Variants in EPHB2 observed in about 807,000 individuals in gnomAD.
The protein encoded by EPHB2 is ephrin type-B receptor 2.
A neutral mutation model predicts 96.4 loss-of-function variants in EPHB2; 18 were observed. The ratio of observed to expected loss-of-function variants is 0.19; its 90% confidence interval spans 0.13 to 0.28. EPHB2 has a LOEUF of 0.28. Ranked by LOEUF, EPHB2 falls within the 10% of genes least tolerant of loss-of-function variation. The probability of loss-of-function intolerance (pLI) is 1.00; values close to 1 mark genes in which losing one functional copy is unlikely to be tolerated. For synonymous variants in EPHB2, 506 were observed against 534.1 expected (o/e 0.95, Z 0.72); for missense variants, 989 against 1,355.4 (o/e 0.73, Z 4.25).
chr1:22,851,563 CATTT>C (rs1471128842), intron 3 of EPHB2, among the ~76,000 whole-genome samples: 1 of 152,202 alleles, frequency 6.6e-6, no homozygotes, highest in East Asian at 1.9e-4. Flanking sequence ...GCTGGCCACT[CATTT>C]ATTGTGTGAC....
intron 3 of EPHB2, among the ~76,000 whole-genome samples, chr1:22,822,728 G>A (rs935939821): frequency 1.3e-5 from 2 of 152,248 alleles, no homozygotes; most frequent in Non-Finnish European, 2.9e-5. Flanking sequence ...CTGGGCCAGA[G>A]CCTGGACCAA....
intron 1 of EPHB2, among the ~76,000 whole-genome samples, chr1:22,756,518 G>A (rs567618614): frequency 7.9e-5 from 12 of 152,290 alleles, no homozygotes; most frequent in African/African-American, 2.2e-4. Context: ...GGGAGTCTCC[G>A]GAGGGTGTCC....
At chr1:22,851,918 A>G (rs1404699901) in intron 3 of EPHB2, among the ~76,000 whole-genome samples, 1 of 152,058 alleles carries the variant, frequency 6.6e-6, no homozygotes, top group Non-Finnish European at 1.5e-5. Flanking sequence ...AGGTTGACCC[A>G]CTCCCCTTTC....
Position 22,913,381 on chromosome 1 carries a change from G to T in EPHB2, c.2853-81G>T. Reference sequence around the variant, plus strand: ...TCCTTGCTTTGCCATCTTCCTCCCGGGGAAGCCCAGGCAGCTCTCTACCAG... The same window carrying T: ...TCCTTGCTTTGCCATCTTCCTCCCGTGGAAGCCCAGGCAGCTCTCTACCAG... On this transcript the variant is annotated intron_variant, in intron 15 of 15. Transcript: ENST00000374630. The surrounding 1 kb of genome is among the most constrained non-coding windows in gnomAD (Gnocchi z 4.1). 1 of 1,560,090 alleles carries T rather than the reference G, an allele frequency of 6.4e-7. No individual in the cohort carries two copies. Among genetic ancestry groups the T allele is most frequent in the South Asian group, 1.2e-5 (1 of 85,714 alleles).
chr1:22,765,155 A>G (rs1644290180), intron 1 of EPHB2, among the ~76,000 whole-genome samples: 1 of 152,182 alleles, frequency 6.6e-6, no homozygotes, highest in Non-Finnish European at 1.5e-5. Flanking sequence ...AGTGTTTGAC[A>G]GGGAGCCTTG....
At position 22,800,933 on chromosome 1, in the gene EPHB2, G is replaced by A. The variant is rs570136646; in HGVS notation, c.811+15857G>A. Among the ~76,000 whole-genome samples the A allele has an allele frequency of 3.3e-5, 5 of 152,238 alleles. No homozygotes were observed. The East Asian group carries it at 9.7e-4, about 30-fold the overall frequency. On this transcript the variant is annotated intron_variant, in intron 3 of 15. Transcript: ENST00000374630. ...TTCCAGTGTTCTTAAAGCAAACCAG[G>A]CCTGTTTTGCGCAACGCTCCATCCC...
intron 6 of EPHB2, among the ~76,000 whole-genome samples, chr1:22,886,585 G>A (rs369728564): frequency 2.3e-4 from 35 of 152,018 alleles, no homozygotes; most frequent in African/African-American, 8.0e-4. Context: ...TGGGCTGGGG[G>A]AGTTGGCAGT....
intron 9 of EPHB2, among the ~76,000 whole-genome samples, chr1:22,899,719 G>A (rs1447500406): frequency 1.3e-5 from 2 of 152,224 alleles, no homozygotes; most frequent in African/African-American, 2.4e-5. Context: ...TAGGCCAGGT[G>A]CCATGGTTCA....
At chr1:22,871,420 A>G (rs2817893) in intron 5 of EPHB2, among the ~76,000 whole-genome samples, 149,110 of 152,290 alleles carry the variant, frequency 0.98, 73,069 homozygotes, top group East Asian at 1. Context: ...AAAGGGCATC[A>G]GAGCGGGGCC....
In EPHB2 at chr1:22,906,048, G is replaced by A; in HGVS notation, c.1827G>A (p.Val609=). Residue 609 remains valine (V), a synonymous_variant, in exon 10 of 16, where the codon GTG becomes GTA. Coordinates refer to ENST00000374630, the MANE Select transcript of EPHB2 (RefSeq NM_017449.5). This position sits in a 1 kb window ranked among gnomAD's most constrained non-coding sequence, Gnocchi z 4.8. ...CCTACGAGGACCCCAACGAGGCAGT[G>A]CGGGAGTTTGCCAAGGAAATTGACA... The part of the protein sequence containing the change: ...PFTYEDPNEA[V]REFAKEIDIS... 6.2e-7 allele frequency: 1 copy of A among 1,614,236 alleles called. No homozygotes were observed. Among genetic ancestry groups the A allele is most frequent in the Non-Finnish European group, 8.5e-7 (1 of 1,180,044 alleles).
intron 3 of EPHB2, among the ~76,000 whole-genome samples, chr1:22,797,714 C>A (rs1424338933): frequency 6.6e-6 from 1 of 152,156 alleles, no homozygotes; most frequent in African/African-American, 2.4e-5. Flanking sequence ...TAAGACTCCC[C>A]ATCCTGCACA....
In EPHB2 at chr1:22,913,860, G is replaced by T. The variant is rs1489967443; in HGVS notation, c.*290G>T. 6.2e-7 allele frequency: 1 copy of T among 1,601,226 alleles called. No individual in the cohort carries two copies. The highest frequency in any genetic ancestry group is 1.1e-5 in the South Asian group (1 of 88,672). On this transcript the variant is annotated 3_prime_UTR_variant, in exon 16 of 16. Transcript: ENST00000374630. The surrounding 1 kb of genome is among the most constrained non-coding windows in gnomAD (Gnocchi z 4.1). The stretch of plus-strand genomic sequence containing the variant: ...CATAAGGAAAGCAATGACTGTTCTT[G>T]CGGGGGATAAAAAAGGGCTTGGGAG...
At chr1:22,905,912 G>A in intron 9 of EPHB2, 75 bp from the exon 10 acceptor site, 1 of 1,611,230 alleles carries the variant, frequency 6.2e-7, no homozygotes, top group Non-Finnish European at 8.5e-7. Flanking sequence ...CTCCACGGAG[G>A]GACTGGCTCC....
Position 22,912,486 on chromosome 1 carries a change from C to A in EPHB2, c.2739C>A (p.Thr913=). 6.2e-7 allele frequency: 1 copy of A among 1,614,162 alleles called. No homozygotes were observed. The highest frequency in any genetic ancestry group is 8.5e-7 in the Non-Finnish European group (1 of 1,180,042). The change falls in exon 15 of 16, where the codon ACC becomes ACA. Residue 913 remains threonine, a synonymous_variant. Coordinates refer to ENST00000374630, the MANE Select transcript of EPHB2 (RefSeq NM_017449.5). ...TGGACCGCACGATCCCCGACTACACCAGCTTTAACACGGTGGACGAGTGGC... is the reference window on the plus strand; with the variant it reads ...TGGACCGCACGATCCCCGACTACACAAGCTTTAACACGGTGGACGAGTGGC... ...PLLDRTIPDY[T]SFNTVDEWLE...
intron 3 of EPHB2, among the ~76,000 whole-genome samples, chr1:22,843,444 C>T (rs1282067347): frequency 1.3e-5 from 2 of 152,150 alleles, no homozygotes; most frequent in African/African-American, 4.8e-5. Flanking sequence ...TTCATCACCC[C>T]GGTGATAAGC....
At chr1:22,879,664 T>C (rs1422667271) in intron 5 of EPHB2, among the ~76,000 whole-genome samples, 1 of 152,214 alleles carries the variant, frequency 6.6e-6, no homozygotes, top group Non-Finnish European at 1.5e-5. Flanking sequence ...TTCTGCAAAG[T>C]GCAGATATTG....
At position 22,908,075 on chromosome 1, in the gene EPHB2, C is replaced by G; in HGVS notation, c.2259C>G (p.Leu753=). The change falls in exon 12 of 16, where the codon CTC becomes CTG. Residue 753 remains leucine (L), a synonymous_variant. Transcript: ENST00000374630. ...VHRDLAARNI[L]VNSNLVCKVS... is the part of the protein sequence containing the mutation. Reference sequence around the variant, plus strand: ...GTGACCTGGCTGCCCGCAACATCCTCGTCAACAGCAACCTGGTCTGCAAGG... The same window carrying G: ...GTGACCTGGCTGCCCGCAACATCCTGGTCAACAGCAACCTGGTCTGCAAGG... The G allele has an allele frequency of 6.2e-7, 1 of 1,614,236 alleles. No homozygotes were observed. Among genetic ancestry groups the G allele is most frequent in the Non-Finnish European group, 8.5e-7 (1 of 1,180,032 alleles).
intron 5 of EPHB2, among the ~76,000 whole-genome samples, chr1:22,878,757 A>G (rs908501): frequency 0.91 from 138,013 of 152,288 alleles, 64,064 homozygotes; most frequent in East Asian, 1. Context: ...CTCCACCCTC[A>G]GGGCTCCCCA....
chr1:22,907,419 G>A (rs1570467201), intron 11 of EPHB2, among the ~76,000 whole-genome samples: 1 of 152,218 alleles, frequency 6.6e-6, no homozygotes, highest in African/African-American at 2.4e-5. Context: ...TCTATAGGCT[G>A]GTGGGAGGAG....
Sources: gnomAD v4.1 joint callset for allele counts (sites outside exome capture counted in the v4.1 genomes callset) on GRCh38, gnomAD v4.1.1 for gene constraint, Gnocchi (gnomAD v3.1) non-coding constraint, MANE v1.5 for transcripts, NCBI Gene and HGNC (gene_info 2026-07-23, HGNC 2026-07-21) for gene names.